Variants in FSHR observed in about 807,000 individuals in gnomAD.
The protein encoded by FSHR is follicle stimulating hormone receptor, also known as follicle-stimulating hormone receptor.
FSHR carries 46 observed loss-of-function variants against 52.1 expected under a neutral mutation model. The ratio of observed to expected loss-of-function variants is 0.88; its 90% confidence interval spans 0.70 to 1.13. The LOEUF (loss-of-function observed/expected upper bound fraction) is 1.13. Ranked by LOEUF, FSHR falls within the 50% of genes most tolerant of loss-of-function variation. FSHR has a pLI of 0.00. For synonymous variants in FSHR, 399 were observed against 309.6 expected (o/e 1.29, Z -3.03); for missense variants, 964 against 834.6 (o/e 1.16, Z -1.91).
At chr2:49,081,037 A>G (rs1414954644) in intron 1 of FSHR, among the ~76,000 whole-genome samples, 4 of 152,078 alleles carry the variant, frequency 2.6e-5, no homozygotes, top group Admixed American at 6.6e-5. Context: ...TAAGAGTTTT[A>G]TCCACATTTC....
intron 1 of FSHR, among the ~76,000 whole-genome samples, chr2:49,143,872 A>G (rs560690120): frequency 1.3e-5 from 2 of 152,204 alleles, no homozygotes; most frequent in Admixed American, 1.3e-4. Context: ...CAGGGACTGG[A>G]GGCACTGGTA....
At chr2:49,006,188 A>T (rs774546189) in intron 4 of FSHR, among the ~76,000 whole-genome samples, 10 of 152,078 alleles carry the variant, frequency 6.6e-5, no homozygotes, top group Non-Finnish European at 1.2e-4. Flanking sequence ...CCCTTTATGT[A>T]TACATCTAAC....
intron 2 of FSHR, among the ~76,000 whole-genome samples, chr2:49,045,706 C>G (rs1038358772): frequency 6.6e-6 from 1 of 152,180 alleles, no homozygotes; most frequent in African/African-American, 2.4e-5. Context: ...AAAAGGCCAG[C>G]TTTGCACTTG....
Position 48,989,030 on chromosome 2 carries a change from G to C in FSHR, c.471C>G (p.Ile157Met), listed in dbSNP as rs369796757. Reference sequence around the variant, plus strand: ...CGAAAGAATTTCTTTCAATTGTGTGGATGTTTATGTTATCTTGAATGTCAC... The same window carrying C: ...CGAAAGAATTTCTTTCAATTGTGTGCATGTTTATGTTATCTTGAATGTCAC... ...VLLDIQDNIN[I>M]HTIERNSFVG... is the part of the protein sequence containing the mutation. The change falls in exon 6 of 10, where the codon ATC becomes ATG. Residue 157 changes from isoleucine (I) to methionine (M), a missense_variant. Physicochemically the swap from Ile to Met is conservative, Grantham distance 10. Coordinates refer to ENST00000406846, the MANE Select transcript of FSHR (RefSeq NM_000145.4). The C allele has an allele frequency of 9.9e-6, 16 of 1,613,600 alleles. No homozygotes were observed. The highest frequency in any genetic ancestry group is 1.7e-5 in the Admixed American group (1 of 59,984).
At chr2:49,154,237 C>A in intron 1 of FSHR, 29 bp downstream of exon 1, 2 of 1,609,880 alleles carry the variant, frequency 1.2e-6, no homozygotes, top group East Asian at 2.2e-5. Flanking sequence ...GCCAGCCATG[C>A]AGTTGTTCCC....
At chr2:49,081,013 C>T (rs543493147) in intron 1 of FSHR, among the ~76,000 whole-genome samples, 6 of 152,264 alleles carry the variant, frequency 3.9e-5, no homozygotes, top group East Asian at 1.9e-4. Flanking sequence ...CTGCCCGTTC[C>T]TATGGAAAGA....
At chr2:49,013,513 T>TAAATATATATAAAAATATATATATAA (rs36099655) in intron 4 of FSHR, among the ~76,000 whole-genome samples, 3 of 136,588 alleles carry the variant, frequency 2.2e-5, no homozygotes, top group African/African-American at 8.4e-5. Context: ...TATATATATA[T>TAAATATATATAAAAATATATATATAA]ATAAATATAT....
chr2:49,138,118 G>A (rs1284371545), intron 1 of FSHR, among the ~76,000 whole-genome samples: 1 of 152,084 alleles, frequency 6.6e-6, no homozygotes, highest in East Asian at 1.9e-4. Context: ...CATGAAAGAT[G>A]CTTGGCATCA....
intron 1 of FSHR, among the ~76,000 whole-genome samples, chr2:49,115,806 G>T (rs1409628422): frequency 6.6e-6 from 1 of 152,138 alleles, no homozygotes; most frequent in Non-Finnish European, 1.5e-5. Context: ...GAGCTAAAAT[G>T]ATGAATATGA....
chr2:48,963,940 T>A lies in FSHR; in HGVS notation c.881A>T (p.Lys294Ile), dbSNP rs779094576. 5 of 1,613,602 alleles carry A rather than the reference T, an allele frequency of 3.1e-6. No individual in the cohort carries two copies. Residue 294 changes from lysine to isoleucine, a missense_variant, in exon 10 of 10, where the codon AAA (lysine) becomes ATA (isoleucine). Coordinates refer to ENST00000406846, the MANE Select transcript of FSHR (RefSeq NM_000145.4). ...ATCAACTTCTTGCCTTAAAATAGAT[T>A]TGTTGCAAATTGGATGAAGCTCAGA... ...QISELHPICNKSILRQEVDYM... is the reference protein window; with the variant it reads ...QISELHPICNISILRQEVDYM...
In FSHR at chr2:49,138,248, C is replaced by G. The variant is rs375598481; in HGVS notation, c.152+16018G>C. 1.5e-3 allele frequency among the ~76,000 whole-genome samples: 231 copies of G among 152,228 alleles called. 1 individual carries two copies. Among genetic ancestry groups the G allele is most frequent in the African/African-American group, 5.4e-3 (225 of 41,548 alleles). ...TACAATGATGTGAAAAAATAGTAAA[C>G]CTCATACACTGTTCGTGGGAATGTA... On this transcript the variant is annotated intron_variant, in intron 1 of 9. Coordinates refer to ENST00000406846, the MANE Select transcript of FSHR (RefSeq NM_000145.4).
intron 2 of FSHR, among the ~76,000 whole-genome samples, chr2:49,057,867 A>G (rs564302645): frequency 6.6e-6 from 1 of 152,370 alleles, no homozygotes; most frequent in East Asian, 1.9e-4. Flanking sequence ...ATGTTTTAAC[A>G]TATGCAAATT....
chr2:49,007,255 C>G (rs1053658661), intron 4 of FSHR, among the ~76,000 whole-genome samples: 1 of 151,872 alleles, frequency 6.6e-6, no homozygotes, highest in East Asian at 1.9e-4. Context: ...GACATTGCAT[C>G]CTCCTGTCAG....
At chr2:49,109,238 G>A (rs1421409398) in intron 1 of FSHR, among the ~76,000 whole-genome samples, 1 of 152,274 alleles carries the variant, frequency 6.6e-6, no homozygotes, top group Non-Finnish European at 1.5e-5. Context: ...ACTGGGAAGA[G>A]TGAGCGGCTT....
At chr2:49,033,615 G>A (rs1327109727) in intron 2 of FSHR, among the ~76,000 whole-genome samples, 1 of 152,102 alleles carries the variant, frequency 6.6e-6, no homozygotes, top group East Asian at 1.9e-4. Flanking sequence ...GTGCAAGCTG[G>A]AGCCTGGCAT....
intron 4 of FSHR, chr2:49,014,798 G>A: frequency 2.6e-6 from 1 of 386,622 alleles, no homozygotes; most frequent in Non-Finnish European, 5.2e-6. Flanking sequence ...TGGCAGGAGT[G>A]CTTTGCATTA....
chr2:48,963,227 T>C lies in FSHR; in HGVS notation c.1594A>G (p.Met532Val). The change falls in exon 10 of 10, where the codon ATG (methionine) becomes GTG (valine). Residue 532 changes from methionine to valine, a missense_variant. Physicochemically the swap from Met to Val is conservative, Grantham distance 21 (BLOSUM62 1). Transcript: ENST00000406846. ...IDSPLSQLYV[M>V]SLLVLNVLAF... ...AGGACATTGAGCACAAGGAGGGACA[T>C]GACATACAGCTGTGACAAAGGGCTG... The C allele has an allele frequency of 6.2e-7, 1 of 1,614,110 alleles. No individual in the cohort carries two copies. Among genetic ancestry groups the C allele is most frequent in the Non-Finnish European group, 8.5e-7 (1 of 1,180,022 alleles).
chr2:49,022,408 G>T (rs904705701), intron 2 of FSHR, among the ~76,000 whole-genome samples: 4 of 152,082 alleles, frequency 2.6e-5, no homozygotes, highest in Non-Finnish European at 1.5e-5. Flanking sequence ...GCCAGACGAG[G>T]GTTGGGGGCA....
intron 1 of FSHR, among the ~76,000 whole-genome samples, chr2:49,108,929 A>C (rs1160084679): frequency 6.6e-6 from 1 of 152,204 alleles, no homozygotes; most frequent in Non-Finnish European, 1.5e-5. Context: ...ACAAAGGGAC[A>C]GTTAGGACCA....
Sources: allele counts gnomAD v4.1 joint callset (sites outside exome capture counted in the v4.1 genomes callset), GRCh38; gene constraint gnomAD v4.1.1; transcripts MANE v1.5; gene names NCBI Gene and HGNC (gene_info 2026-07-23, HGNC 2026-07-21).